The following MAOB variants were observed in gnomAD, a reference collection of about 807,000 sequenced individuals.
The protein encoded by MAOB is monoamine oxidase B.
A neutral mutation model predicts 41.9 loss-of-function variants in MAOB; 15 were observed. The observed-to-expected ratio is 0.36, with a 90% CI of 0.24 to 0.55. The LOEUF (loss-of-function observed/expected upper bound fraction) is 0.55, where lower values mean the gene tolerates loss of function less well. MAOB is among the 20% of genes least tolerant of loss of function. The pLI, the probability that MAOB is intolerant of heterozygous loss-of-function variation, is 0.86. For missense variants in MAOB, 345 were observed against 398.7 expected (o/e 0.87, Z 1.15); for synonymous variants, 167 against 144.2 (o/e 1.16, Z -1.13).
At chrX:43,793,797 C>T (rs1308527415) in intron 7 of MAOB, among the ~76,000 whole-genome samples, 1 of 111,777 alleles carries the variant, frequency 8.9e-6, no homozygotes, top group African/African-American at 3.3e-5. Flanking sequence ...ACCATCATCG[C>T]CAAGGCCACA....
chrX:43,820,373 T>C (rs181077137), intron 3 of MAOB, among the ~76,000 whole-genome samples: 47 of 112,417 alleles, frequency 4.2e-4, no homozygotes, highest in Middle Eastern at 4.6e-3. Context: ...TTTAAATAGC[T>C]GTTATTAAAG....
chrX:43,787,347 A>G (rs753443668), intron 8 of MAOB, among the ~76,000 whole-genome samples: 3 of 111,697 alleles, frequency 2.7e-5, no homozygotes, highest in Non-Finnish European at 3.8e-5. Context: ...CCAAGGACAA[A>G]ATTAAAGGAA....
chrX:43,806,932 T>A (rs2034670142), intron 3 of MAOB, among the ~76,000 whole-genome samples: 1 of 111,300 alleles, frequency 9.0e-6, no homozygotes, highest in Admixed American at 9.6e-5. Context: ...TGTTGAGCAT[T>A]TTTTTCATTT....
intron 2 of MAOB, among the ~76,000 whole-genome samples, chrX:43,842,308 AG>A (rs2035146378): frequency 8.9e-6 from 1 of 112,301 alleles, no homozygotes; most frequent in African/African-American, 3.2e-5. Flanking sequence ...TCATGGAAAA[AG>A]TTCAGCACCA....
At chrX:43,881,998 G>T (rs1440636332) in intron 1 of MAOB, among the ~76,000 whole-genome samples, 1 of 112,377 alleles carries the variant, frequency 8.9e-6, no homozygotes, top group Admixed American at 9.3e-5. Context: ...CCTTCTGGGG[G>T]AGAAGTTCAA....
In MAOB at chrX:43,868,803, G is replaced by A. The variant is rs190438274; in HGVS notation, c.46+13451C>T. ...TCTTTCATTTAAAAAGTACATTTTT[G>A]TGCATGCACCAAAAATAAATAAGCA... On this transcript the variant is annotated intron_variant, in intron 1 of 14. Coordinates refer to ENST00000378069, the MANE Select transcript of MAOB (RefSeq NM_000898.5). 3.4e-4 allele frequency among the ~76,000 whole-genome samples: 37 copies of A among 110,138 alleles called. No homozygotes were observed. In the East Asian group the frequency reaches 0.01, roughly 31 times the overall value.
intron 3 of MAOB, among the ~76,000 whole-genome samples, chrX:43,817,492 C>A (rs375423967): frequency 8.9e-5 from 10 of 111,738 alleles, no homozygotes; most frequent in African/African-American, 2.9e-4. Context: ...TGTTAATTCT[C>A]TCTCTGCTTC....
At position 43,857,116 on chromosome X, in the gene MAOB, TAGAGAGAGAGAGAGAGAGAGAG is replaced by T. The variant is rs1163831661; in HGVS notation, c.47-13374_47-13353del. On this transcript the variant is annotated intron_variant, in intron 1 of 14. Transcript: ENST00000378069. ...ATATATATATATATATATATATATA[TAGAGAGAGAGAGAGAGAGAGAG>T]AGAGAGAGAGAGAGAGAGAGAGAGA... 1.9e-3 allele frequency among the ~76,000 whole-genome samples: 22 copies of T among 11,349 alleles called. 1 individual carries two copies. The highest frequency in any genetic ancestry group is 3.0e-3 in the African/African-American group (9 of 3,006). 9.9% of individuals were successfully genotyped at this position (11,349 alleles called of 115,157 possible). A position where few individuals can be genotyped will look rare whatever the true frequency, so the allele number is the denominator to read the frequency against.
At chrX:43,791,339 C>A (rs1182045141) in intron 8 of MAOB, among the ~76,000 whole-genome samples, 1 of 111,112 alleles carries the variant, frequency 9.0e-6, no homozygotes, top group Admixed American at 9.6e-5. Context: ...CCGCCCTTCA[C>A]CCTCCGTTCT....
chrX:43,819,435 C>T (rs1169736047), intron 3 of MAOB, among the ~76,000 whole-genome samples: 1 of 111,467 alleles, frequency 9.0e-6, no homozygotes, highest in Non-Finnish European at 1.9e-5. Context: ...TTCAGAATCC[C>T]TTGTCAGGTC....
intron 3 of MAOB, among the ~76,000 whole-genome samples, chrX:43,832,211 T>G (rs1281866487): frequency 8.9e-6 from 1 of 111,891 alleles, no homozygotes; most frequent in Non-Finnish European, 1.9e-5. Flanking sequence ...GATAAAGCAT[T>G]CGTAAAACTG....
At chrX:43,845,650 G>T (rs887632027) in intron 1 of MAOB, among the ~76,000 whole-genome samples, 1 of 112,111 alleles carries the variant, frequency 8.9e-6, no homozygotes, top group African/African-American at 3.2e-5. Context: ...TTCATTGATT[G>T]CATCTTCCAA....
intron 3 of MAOB, among the ~76,000 whole-genome samples, chrX:43,806,221 T>C (rs1197584196): frequency 8.9e-6 from 1 of 111,781 alleles, no homozygotes; most frequent in Non-Finnish European, 1.9e-5. Flanking sequence ...ATTTATCCAC[T>C]AACCATCCTT....
chrX:43,850,536 C>A, intron 1 of MAOB: 2 of 655,645 alleles, frequency 3.1e-6, no homozygotes, highest in African/African-American at 4.8e-5. Context: ...AAAATCTAAA[C>A]AACACGTGAC....
intron 3 of MAOB, among the ~76,000 whole-genome samples, chrX:43,806,650 T>G (rs1157934258): frequency 9.0e-6 from 1 of 111,494 alleles, no homozygotes; most frequent in African/African-American, 3.3e-5. Context: ...CAGATCATCC[T>G]CAAGAGGGGA....
intron 1 of MAOB, 105 bp from the exon 2 acceptor site, chrX:43,843,869 G>T: frequency 9.3e-7 from 1 of 1,071,253 alleles, no homozygotes; most frequent in Non-Finnish European, 1.2e-6. Context: ...CACGTGCACC[G>T]CCTATTGTTA....
In MAOB at chrX:43,803,294, C is replaced by A; in HGVS notation, c.384+6G>T. On this transcript the variant is annotated splice_donor_region_variant and intron_variant, in intron 4 of 14. Coordinates refer to ENST00000378069, the MANE Select transcript of MAOB (RefSeq NM_000898.5). ...AAGAATACAAATATAGTCAAAGAAG[C>A]TTTACCTCTCGCCCCATGTCATCCA... 8.8e-7 allele frequency: 1 copy of A among 1,130,173 alleles called. No homozygotes were observed. 93.1% of individuals were successfully genotyped at this position (1,130,173 alleles called of 1,213,427 possible). A position where few individuals can be genotyped will look rare whatever the true frequency, so the allele number is the denominator to read the frequency against.
chrX:43,807,074 C>T (rs1338054814), intron 3 of MAOB, among the ~76,000 whole-genome samples: 2 of 112,097 alleles, frequency 1.8e-5, no homozygotes, highest in African/African-American at 6.5e-5. Flanking sequence ...CTGCTGAGTG[C>T]ATGCTGATTT....
intron 3 of MAOB, among the ~76,000 whole-genome samples, chrX:43,812,401 GT>G (rs1340771445): frequency 2.7e-5 from 3 of 111,891 alleles, no homozygotes; most frequent in Admixed American, 9.5e-5. Flanking sequence ...TCCATTTTTA[GT>G]TTTTTGAGGA....
Sources: gnomAD v4.1 joint callset for allele counts (sites outside exome capture counted in the v4.1 genomes callset) on GRCh38, gnomAD v4.1.1 for gene constraint, MANE v1.5 for transcripts, NCBI Gene and HGNC (gene_info 2026-07-23, HGNC 2026-07-21) for gene names.